Variants in CD59 observed in about 807,000 individuals in gnomAD.
CD59 encodes the protein CD59 molecule (CD59 blood group).
CD59 carries 3 observed loss-of-function variants against 7.0 expected under a neutral mutation model. That is an observed-to-expected ratio of 0.43 (90% confidence interval 0.19 to 1.10). CD59 has a LOEUF of 1.10. CD59 is among the 50% of genes least tolerant of loss of function. The pLI is 0.29. For missense variants in CD59, 143 were observed against 151.0 expected (o/e 0.95, Z 0.28); for synonymous variants, 60 against 62.0 (o/e 0.97, Z 0.15).
intron 3 of CD59, among the ~76,000 whole-genome samples, chr11:33,714,635 G>A (rs1262256277): frequency 1.3e-5 from 2 of 151,988 alleles, no homozygotes; most frequent in Non-Finnish European, 2.9e-5. Flanking sequence ...ATAAAACAGG[G>A]TAAAACACAA....
At chr11:33,723,321 C>T (rs541612743) in intron 1 of CD59, among the ~76,000 whole-genome samples, 1 of 152,266 alleles carries the variant, frequency 6.6e-6, no homozygotes, top group South Asian at 2.1e-4. Flanking sequence ...ATCTACCCTC[C>T]CTAAGTCAGA....
At chr11:33,723,167 GA>G (rs1479006263) in intron 1 of CD59, 11 of 154,220 alleles carry the variant, frequency 7.1e-5, no homozygotes, top group African/African-American at 2.7e-4. Context: ...GCAGAACTAA[GA>G]AATCTCCCAA....
In CD59 at chr11:33,704,228, A is replaced by T. The variant is rs1198667593; in HGVS notation, c.*5898T>A. Reference sequence around the variant, plus strand: ...ATCTGGGACTCTCTGTGACCCTGGGAAAATCACATCAGCTCTCTGAACCCC... The same window carrying T: ...ATCTGGGACTCTCTGTGACCCTGGGTAAATCACATCAGCTCTCTGAACCCC... On this transcript the variant is annotated 3_prime_UTR_variant, in exon 4 of 4. Coordinates refer to ENST00000642928, the MANE Select transcript of CD59 (RefSeq NM_000611.6). 6.6e-6 allele frequency: 1 copy of T among 152,294 alleles called. No homozygotes were observed. The highest frequency in any genetic ancestry group is 1.5e-5 in the Non-Finnish European group (1 of 68,108). 9.4% of individuals were successfully genotyped at this position (152,294 alleles called of 1,614,324 possible).
At chr11:33,714,936 G>GTTT (rs58642942) in intron 3 of CD59, among the ~76,000 whole-genome samples, 3 of 131,936 alleles carry the variant, frequency 2.3e-5, no homozygotes, top group Non-Finnish European at 1.6e-5. Flanking sequence ...TGCTGAGGCT[G>GTTT]TTTTTTTTTT....
chr11:33,735,616 G>T (rs1854544396), intron 1 of CD59, among the ~76,000 whole-genome samples: 1 of 152,160 alleles, frequency 6.6e-6, no homozygotes, highest in African/African-American at 2.4e-5. Flanking sequence ...ACATCACGTT[G>T]TACTTAAAAC....
At chr11:33,717,188 T>TA (rs1324220206) in intron 3 of CD59, among the ~76,000 whole-genome samples, 182 bp downstream of exon 3, 15 of 152,186 alleles carry the variant, frequency 9.9e-5, no homozygotes, top group African/African-American at 3.6e-4. Flanking sequence ...AGATCACCCT[T>TA]AGAAGTGCAA....
At chr11:33,734,169 C>T (rs1441197267) in intron 1 of CD59, among the ~76,000 whole-genome samples, 5 of 152,214 alleles carry the variant, frequency 3.3e-5, no homozygotes, top group Non-Finnish European at 7.3e-5. Context: ...CCTGTTGAAG[C>T]GCCCAGACAA....
chr11:33,721,506 C>CA (rs1178077275), intron 2 of CD59, among the ~76,000 whole-genome samples: 5 of 152,288 alleles, frequency 3.3e-5, no homozygotes, highest in African/African-American at 7.2e-5. Flanking sequence ...CTCCCCCCAC[C>CA]AACCATATTT....
intron 1 of CD59, among the ~76,000 whole-genome samples, chr11:33,734,317 G>A (rs1455288476): frequency 6.6e-6 from 1 of 152,236 alleles, no homozygotes; most frequent in East Asian, 1.9e-4. Flanking sequence ...CTCTTTGTGT[G>A]ATATACATAT....
At chr11:33,732,771 T>C (rs1302231160) in intron 1 of CD59, among the ~76,000 whole-genome samples, 3 of 152,204 alleles carry the variant, frequency 2.0e-5, no homozygotes, top group African/African-American at 2.4e-5. Context: ...AACTAACTTA[T>C]GTGGTAGGTA....
At chr11:33,713,766 C>T (rs1853666251) in intron 3 of CD59, among the ~76,000 whole-genome samples, 1 of 152,138 alleles carries the variant, frequency 6.6e-6, no homozygotes, top group Non-Finnish European at 1.5e-5. Context: ...TGCAGCGTAC[C>T]AAAGTGCTTT....
At chr11:33,716,759 G>A (rs74826735) in intron 3 of CD59, among the ~76,000 whole-genome samples, 2,812 of 152,260 alleles carry the variant, frequency 0.018, 45 homozygotes, top group African/African-American at 0.041. Context: ...CTTGCTCTGA[G>A]GCTACCGAGC....
At position 33,707,408 on chromosome 11, in the gene CD59, G is replaced by C. The variant is rs568537730; in HGVS notation, c.*2718C>G. On this transcript the variant is annotated 3_prime_UTR_variant, in exon 4 of 4. Coordinates refer to ENST00000642928, the MANE Select transcript of CD59 (RefSeq NM_000611.6). Reference sequence around the variant, plus strand: ...ATATACCCATACCTTGAAGCCCCCAGTACATTCAAGACCAAGTTTGGCAAA... The same window carrying C: ...ATATACCCATACCTTGAAGCCCCCACTACATTCAAGACCAAGTTTGGCAAA... The C allele has an allele frequency of 6.6e-6, 1 of 152,352 alleles. No homozygotes were observed. Among genetic ancestry groups the C allele is most frequent in the East Asian group, 1.9e-4 (1 of 5,184 alleles). The allele number at this position is 152,352 out of a possible 1,614,324, so 9.4% of individuals were successfully genotyped here.
chr11:33,722,664 C>A, intron 1 of CD59: 1 of 1,407,172 alleles, frequency 7.1e-7, no homozygotes, highest in Non-Finnish European at 9.3e-7. Flanking sequence ...CCTATAAGCC[C>A]CAGTGTGTAC....
intron 1 of CD59, chr11:33,722,716 A>C: frequency 7.8e-7 from 1 of 1,276,442 alleles, no homozygotes; most frequent in Non-Finnish European, 1.0e-6. Flanking sequence ...CATCAGGGTC[A>C]GTGAGTCAAA....
At position 33,717,372 on chromosome 11, in the gene CD59, G is replaced by C. The variant is rs762458758; in HGVS notation, c.167C>G (p.Ala56Gly). The change falls in exon 3 of 4, where the codon GCT becomes GGT. Residue 56 changes from alanine to glycine, a missense_variant and splice_region_variant. Transcript: ENST00000642928. ...AGACAGACAGGGGAGGCTCTTACCA[G>C]CTTTGGTAATGAGACACGCATCAAA... The part of the protein sequence containing the change: ...SDFDACLITK[A>G]GLQVYNKCWK... The C allele has an allele frequency of 6.2e-7, 1 of 1,602,326 alleles. No individual in the cohort carries two copies.
rs991355368 is a variant in CD59 at position 33,730,768 on chromosome 11, T to C, written c.-19+5614A>G. 3.9e-5 allele frequency among the ~76,000 whole-genome samples: 6 copies of C among 152,306 alleles called. No homozygotes were observed. In the East Asian group the frequency reaches 1.2e-3, roughly 29 times the overall value. ...AATAGTGTAAAACTTGAATGACACA[T>C]GAGACCCTTACAGGGTGCCACAAGT... On this transcript the variant is annotated intron_variant, in intron 1 of 3. Transcript: ENST00000642928.
chr11:33,727,699 A>C (rs1466698331), intron 1 of CD59, among the ~76,000 whole-genome samples: 2 of 152,234 alleles, frequency 1.3e-5, no homozygotes, highest in African/African-American at 4.8e-5. Context: ...AAAGAAATAA[A>C]GGGTATTCAA....
At chr11:33,730,817 G>A (rs1564979367) in intron 1 of CD59, among the ~76,000 whole-genome samples, 2 of 152,162 alleles carry the variant, frequency 1.3e-5, no homozygotes, top group Non-Finnish European at 2.9e-5. Context: ...CTCCCAAGAA[G>A]CAGAAAAAAG....
Sources: allele counts gnomAD v4.1 joint callset (sites outside exome capture counted in the v4.1 genomes callset), GRCh38; gene constraint gnomAD v4.1.1; transcripts MANE v1.5; gene names NCBI Gene and HGNC (gene_info 2026-07-23, HGNC 2026-07-21).